The following PARP8 variants were observed in gnomAD, a reference collection of about 807,000 sequenced individuals.
The protein encoded by PARP8 is poly(ADP-ribose) polymerase family member 8.
PARP8 carries 51 observed loss-of-function variants against 124.1 expected under a neutral mutation model. That is an observed-to-expected ratio of 0.41 (90% CI 0.33 to 0.52). The LOEUF (loss-of-function observed/expected upper bound fraction) is 0.52. Among genes scored for constraint, PARP8 ranks in the 20% least tolerant of loss-of-function variants. The pLI is 0.21. For synonymous variants in PARP8, 391 were observed against 361.5 expected, an observed-to-expected ratio of 1.08 and a Z score of -0.93; for missense variants, 860 against 1,018.9, an observed-to-expected ratio of 0.84 and a Z score of 2.12.
At chr5:50,778,316 T>G (rs561170790) in intron 8 of PARP8, among the ~76,000 whole-genome samples, 187 bp downstream of exon 8, 19 of 152,304 alleles carry the variant, frequency 1.2e-4, no homozygotes, top group African/African-American at 4.3e-4. Context: ...ATATTTGCAT[T>G]GGTTTTTCTA....
In PARP8 at chr5:50,764,593, G is replaced by T. The variant is rs147351569; in HGVS notation, c.518+1351G>T. On this transcript the variant is annotated intron_variant, in intron 7 of 25. Coordinates refer to ENST00000281631, the MANE Select transcript of PARP8 (RefSeq NM_024615.4). ...TGTTCTATTCATGAAGGTATATTAG[G>T]CTACAATTGAGTGAAAGTGTTGGGA... 4.0e-3 allele frequency among the ~76,000 whole-genome samples: 603 copies of T among 152,276 alleles called. 2 individuals are homozygous for T. The highest frequency in any genetic ancestry group is 0.014 in the African/African-American group (576 of 41,546).
intron 2 of PARP8, among the ~76,000 whole-genome samples, chr5:50,703,416 T>C (rs1490605679): frequency 1.3e-5 from 2 of 152,142 alleles, no homozygotes; most frequent in Non-Finnish European, 2.9e-5. Context: ...TGTATGGATA[T>C]GAGAGATGAT....
Position 50,668,078 on chromosome 5 carries a change from A to G in PARP8, c.99A>G (p.Arg33=), listed in dbSNP as rs1561218049. 5.0e-6 allele frequency: 8 copies of G among 1,612,032 alleles called. No individual in the cohort carries two copies. Among genetic ancestry groups the G allele is most frequent in the Non-Finnish European group, 6.8e-6 (8 of 1,179,936 alleles). ...AEKDCLFADF[R]YSDSTFTFTY... ...CGGGACTTTCTGTTTCAGATTTCAGATACTCTGACTCCACCTTTACTTTTA... is the reference window on the plus strand; with the variant it reads ...CGGGACTTTCTGTTTCAGATTTCAGGTACTCTGACTCCACCTTTACTTTTA... The change falls in exon 2 of 26, where the codon AGA becomes AGG. Residue 33 remains arginine, a synonymous_variant. Coordinates refer to ENST00000281631, the MANE Select transcript of PARP8 (RefSeq NM_024615.4).
intron 2 of PARP8, among the ~76,000 whole-genome samples, chr5:50,739,998 C>T (rs1757883429): frequency 6.6e-6 from 1 of 151,920 alleles, no homozygotes; most frequent in Non-Finnish European, 1.5e-5. Context: ...ATCCACCCAC[C>T]TTGGCCTCCC....
intron 2 of PARP8, among the ~76,000 whole-genome samples, chr5:50,701,937 C>G (rs1753640739): frequency 6.6e-6 from 1 of 151,970 alleles, no homozygotes; most frequent in South Asian, 2.1e-4. Flanking sequence ...TTCTGACTCA[C>G]AAAAATAATG....
At chr5:50,720,255 C>A (rs1334366213) in intron 2 of PARP8, among the ~76,000 whole-genome samples, 2 of 152,046 alleles carry the variant, frequency 1.3e-5, no homozygotes, top group Non-Finnish European at 2.9e-5. Context: ...GGAAGTAGTA[C>A]GTTTTGGGCC....
intron 2 of PARP8, among the ~76,000 whole-genome samples, chr5:50,699,356 G>C (rs1401563608): frequency 1.3e-5 from 2 of 152,206 alleles, no homozygotes; most frequent in Non-Finnish European, 2.9e-5. Context: ...GATCTTGACA[G>C]TGTTGGAATC....
chr5:50,827,913 T>A (rs371986106), intron 19 of PARP8, 31 bp from the exon 20 acceptor site: 56 of 1,445,938 alleles, frequency 3.9e-5, no homozygotes, highest in Non-Finnish European at 4.9e-5. Context: ...AAGTTTTACA[T>A]GTTTTTGTTT....
chr5:50,690,187 GT>G (rs1246972038), intron 2 of PARP8, among the ~76,000 whole-genome samples: 3 of 152,166 alleles, frequency 2.0e-5, no homozygotes, highest in Admixed American at 2.0e-4. Context: ...CTCCTCATAA[GT>G]TCATACCTCT....
At chr5:50,833,815 A>C (rs1201726731) in intron 23 of PARP8, among the ~76,000 whole-genome samples, 164 bp from the exon 24 acceptor site, 1 of 152,076 alleles carries the variant, frequency 6.6e-6, no homozygotes, top group East Asian at 1.9e-4. Context: ...GAAATTAAAA[A>C]TAACTTAATA....
chr5:50,759,765 A>G, intron 4 of PARP8, 33 bp downstream of exon 4: 1 of 1,526,302 alleles, frequency 6.6e-7, no homozygotes, highest in South Asian at 1.3e-5. Flanking sequence ...TACTAGGTTA[A>G]TTTTTTAAAT....
At chr5:50,667,651 T>C (rs1331729109) in intron 1 of PARP8, 9 of 699,308 alleles carry the variant, frequency 1.3e-5, no homozygotes, top group Non-Finnish European at 2.6e-6. Context: ...GCTCGGCCCA[T>C]CTCCGGCCCC....
chr5:50,789,150 G>C (rs1741651458), intron 10 of PARP8, among the ~76,000 whole-genome samples: 1 of 152,120 alleles, frequency 6.6e-6, no homozygotes, highest in African/African-American at 2.4e-5. Context: ...CTACCGCTTT[G>C]AAACATTGGT....
intron 2 of PARP8, among the ~76,000 whole-genome samples, chr5:50,690,494 C>T (rs1415929916): frequency 5.9e-5 from 9 of 152,188 alleles, no homozygotes; most frequent in Admixed American, 5.2e-4. Context: ...TATTCTCCCT[C>T]CTTTTTTGAG....
intron 18 of PARP8, 33 bp downstream of exon 18, chr5:50,825,008 C>T (rs781493313): frequency 1.3e-6 from 2 of 1,532,086 alleles, no homozygotes; most frequent in African/African-American, 1.4e-5. Flanking sequence ...TTAATGAAAA[C>T]AGCATCCTTT....
At chr5:50,693,465 G>A (rs72753763) in intron 2 of PARP8, among the ~76,000 whole-genome samples, 8 of 152,172 alleles carry the variant, frequency 5.3e-5, no homozygotes, top group Non-Finnish European at 1.2e-4. Flanking sequence ...GTTCAATTTA[G>A]CATCTAGGGC....
At chr5:50,745,425 A>G (rs1189930845) in intron 2 of PARP8, among the ~76,000 whole-genome samples, 2 of 152,136 alleles carry the variant, frequency 1.3e-5, no homozygotes, top group African/African-American at 4.8e-5. Context: ...GGGTCCTTGC[A>G]CCTGTTAAGC....
rs548894822 is a variant in PARP8 at position 50,681,913 on chromosome 5, A to G, written c.146+13788A>G. 3.7e-4 allele frequency among the ~76,000 whole-genome samples: 56 copies of G among 152,296 alleles called. 1 individual carries two copies. In the South Asian group the frequency reaches 0.011, roughly 29 times the overall value. The stretch of plus-strand genomic sequence containing the variant: ...TGGAAATAAAATAATCAAGCTTGTT[A>G]GAATTGTGTTCATGATGACACAAAA... On this transcript the variant is annotated intron_variant, in intron 2 of 25. Coordinates refer to ENST00000281631, the MANE Select transcript of PARP8 (RefSeq NM_024615.4).
At chr5:50,715,470 G>A (rs988510345) in intron 2 of PARP8, among the ~76,000 whole-genome samples, 1 of 151,400 alleles carries the variant, frequency 6.6e-6, no homozygotes, top group African/African-American at 2.4e-5. Context: ...TTTGTGGGGG[G>A]TTGTGGTGTG....
Sources: gnomAD v4.1 joint callset for allele counts (sites outside exome capture counted in the v4.1 genomes callset) on GRCh38, gnomAD v4.1.1 for gene constraint, MANE v1.5 for transcripts, NCBI Gene and HGNC (gene_info 2026-07-23, HGNC 2026-07-21) for gene names.